Variants in SLC44A4 observed in about 807,000 individuals in gnomAD.
The protein encoded by SLC44A4 is choline transporter-like protein 4.
SLC44A4 carries 74 observed loss-of-function variants against 97.0 expected under a neutral mutation model. That is an observed-to-expected ratio of 0.76 (90% CI 0.63 to 0.93). The LOEUF is 0.93. SLC44A4 is among the 40% of genes least tolerant of loss of function. The probability of loss-of-function intolerance (pLI) is 0.00; values close to 1 mark genes in which losing one functional copy is unlikely to be tolerated. For missense variants in SLC44A4, 799 were observed against 902.9 expected (o/e 0.88, Z 1.48); for synonymous variants, 325 against 363.8 (o/e 0.89, Z 1.21).
At chr6:31,871,252 G>A in intron 9 of SLC44A4, 62 bp downstream of exon 9, 1 of 1,506,982 alleles carries the variant, frequency 6.6e-7, no homozygotes, top group Non-Finnish European at 9.2e-7. Flanking sequence ...ATTGGGCGAG[G>A]GGGTAGAGGA....
chr6:31,864,929 G>A lies in SLC44A4; in HGVS notation c.1832-19C>T. On this transcript the variant is annotated intron_variant, in intron 18 of 20. Transcript: ENST00000229729. Reference sequence around the variant, plus strand: ...AGGACCCCTGTGGAATAATTCTGGGGGTTAGTGCTGCACCTCTGAGGCCAC... The same window carrying A: ...AGGACCCCTGTGGAATAATTCTGGGAGTTAGTGCTGCACCTCTGAGGCCAC... The A allele has an allele frequency of 2.5e-6, 4 of 1,613,778 alleles. No homozygotes were observed. Among genetic ancestry groups the A allele is most frequent in the South Asian group, 2.2e-5 (2 of 91,054 alleles).
rs146712601 is a variant in SLC44A4 at position 31,876,804 on chromosome 6, G to A, written c.89+230C>T. Among the ~76,000 whole-genome samples the A allele has an allele frequency of 9.9e-5, 15 of 152,122 alleles. No homozygotes were observed. In the East Asian group the frequency reaches 2.9e-3, roughly 29 times the overall value. ...AGGGCTCAGCTGGGTGAGTTCTCTC[G>A]CTTGTGAAGCCGGCACTTAAGTCAA... On this transcript the variant is annotated intron_variant, in intron 2 of 20. Coordinates refer to ENST00000229729, the MANE Select transcript of SLC44A4 (RefSeq NM_025257.3). The surrounding 1 kb of genome is among the most constrained non-coding windows in gnomAD (Gnocchi z 4.8).
At position 31,865,581 on chromosome 6, in the gene SLC44A4, G is replaced by A. The variant is rs754945392; in HGVS notation, c.1603C>T (p.Arg535Cys). Residue 535 changes from arginine (R) to cysteine (C), a missense_variant, in exon 16 of 21, where the codon CGC becomes TGC. By Grantham distance (180) the Arg-to-Cys change is radical. Coordinates refer to ENST00000229729, the MANE Select transcript of SLC44A4 (RefSeq NM_025257.3). This position sits in a 1 kb window ranked among gnomAD's most constrained non-coding sequence, Gnocchi z 5.2. Reference sequence around the variant, plus strand: ...CACTTGAAACAGCACATGATGCAGCGGGCTACAGGGTTCTGCACTCCTGGG... The same window carrying A: ...CACTTGAAACAGCACATGATGCAGCAGGCTACAGGGTTCTGCACTCCTGGG... ...KLRGVQNPVA[R>C]CIMCCFKCCL... 16 of 1,600,940 alleles carry A rather than the reference G, an allele frequency of 1.0e-5. No homozygotes were observed. The highest frequency in any genetic ancestry group is 5.4e-5 in the African/African-American group (4 of 74,610).
Position 31,878,972 on chromosome 6 carries a change from T to C in SLC44A4, c.9A>G (p.Gly3=), listed in dbSNP as rs1156730455. The change falls in exon 1 of 21, where the codon GGA becomes GGG. Residue 3 remains glycine (G), a synonymous_variant. Coordinates refer to ENST00000229729, the MANE Select transcript of SLC44A4 (RefSeq NM_025257.3). The surrounding 1 kb of genome is among the most constrained non-coding windows in gnomAD (Gnocchi z 4.0). MG[G]KQRDEDDEAY... ...CCTCGTCATCCTCGTCCCGCTGCTT[T>C]CCCCCCATGGCTCAGTCTCCGGAGT... 8 of 1,613,314 alleles carry C rather than the reference T, an allele frequency of 5.0e-6. No homozygotes were observed. Among genetic ancestry groups the C allele is most frequent in the Non-Finnish European group, 6.8e-6 (8 of 1,179,846 alleles).
chr6:31,864,713 G>T lies in SLC44A4; in HGVS notation c.1950C>A (p.Val650=), dbSNP rs772691860. 5 of 1,614,018 alleles carry T rather than the reference G, an allele frequency of 3.1e-6. No individual in the cohort carries two copies. Among genetic ancestry groups the T allele is most frequent in the Non-Finnish European group, 4.2e-6 (5 of 1,180,032 alleles). ...PIMTSILGAY[V]IASGFFSVFG... ...AAACGCTGAAGAAGCCGCTGGCGATGACATAGGCCCCCAGGATGGAGGTCT... is the reference window on the plus strand; with the variant it reads ...AAACGCTGAAGAAGCCGCTGGCGATTACATAGGCCCCCAGGATGGAGGTCT... Residue 650 remains valine (V), a synonymous_variant, in exon 20 of 21, where the codon GTC becomes GTA. Transcript: ENST00000229729.
chr6:31,876,054 A>C lies in SLC44A4; in HGVS notation c.163+2T>G. The C allele has an allele frequency of 6.2e-7, 1 of 1,613,942 alleles. No homozygotes were observed. The highest frequency in any genetic ancestry group is 1.3e-5 in the African/African-American group (1 of 74,956). ...CCTGGCTCTGAGCAGCTGGAAACTCACCCACAATCCCCACCACGATGTAAC... is the reference window on the plus strand; with the variant it reads ...CCTGGCTCTGAGCAGCTGGAAACTCCCCCACAATCCCCACCACGATGTAAC... On this transcript the variant is annotated splice_donor_variant, in intron 3 of 20. Transcript: ENST00000229729. LOFTEE classifies it high-confidence loss of function. The surrounding 1 kb of genome is among the most constrained non-coding windows in gnomAD (Gnocchi z 4.8).
In SLC44A4 at chr6:31,872,494, C is replaced by A. The variant is rs146761687; in HGVS notation, c.530-933G>T. 6.6e-3 allele frequency among the ~76,000 whole-genome samples: 1,006 copies of A among 152,186 alleles called. 5 individuals carry two copies. Among genetic ancestry groups the A allele is most frequent in the East Asian group, 0.018 (91 of 5,162 alleles). The stretch of plus-strand genomic sequence containing the variant: ...CAAGCAATCCTCCCACCTCAGCCCC[C>A]CAAAGTGTTGGGATTACAGGTGTGA... On this transcript the variant is annotated intron_variant, in intron 7 of 20. Transcript: ENST00000229729.
chr6:31,864,597 C>G, intron 20 of SLC44A4, 55 bp downstream of exon 20: 2 of 1,462,822 alleles, frequency 1.4e-6, no homozygotes, highest in South Asian at 1.2e-5. Context: ...AAAAAAAATG[C>G]TTGAACGGCT....
chr6:31,877,151 T>C lies in SLC44A4; in HGVS notation c.41-69A>G. ...CATATCTTGTCCTGCTGAGTCCTCC[T>C]AGCCCCAGGATCCTACCCAGGCCTC... On this transcript the variant is annotated intron_variant, in intron 1 of 20. Transcript: ENST00000229729. The surrounding 1 kb of genome is among the most constrained non-coding windows in gnomAD (Gnocchi z 6.5). 5 of 1,508,680 alleles carry C rather than the reference T, an allele frequency of 3.3e-6. No homozygotes were observed. Among genetic ancestry groups the C allele is most frequent in the Non-Finnish European group, 3.6e-6 (4 of 1,101,840 alleles). 93.5% of individuals were successfully genotyped at this position (1,508,680 alleles called of 1,614,324 possible).
intron 13 of SLC44A4, 101 bp downstream of exon 13, chr6:31,869,054 T>TGCCCTCTGTG: frequency 1.0e-6 from 1 of 968,448 alleles, no homozygotes; most frequent in East Asian, 2.6e-5. Flanking sequence ...ACAAGTTTCT[T>TGCCCTCTGTG]GCCCTCTGTG....
Position 31,863,345 on chromosome 6 carries a change from C to T in SLC44A4, c.*282G>A. The T allele has an allele frequency of 3.1e-6, 1 of 318,566 alleles. No individual in the cohort carries two copies. Among genetic ancestry groups the T allele is most frequent in the East Asian group, 7.2e-5 (1 of 13,984 alleles). 19.7% of individuals were successfully genotyped at this position (318,566 alleles called of 1,614,324 possible). ...GGTTCAAGCGATTCTCCTGCCTCAGCCTCCCGAGTAGCTGGGATGACAGGT... is the reference window on the plus strand; with the variant it reads ...GGTTCAAGCGATTCTCCTGCCTCAGTCTCCCGAGTAGCTGGGATGACAGGT... On this transcript the variant is annotated 3_prime_UTR_variant, in exon 21 of 21. Transcript: ENST00000229729.
chr6:31,876,610 A>G lies in SLC44A4; in HGVS notation c.89+424T>C, dbSNP rs1763457418. Among the ~76,000 whole-genome samples the G allele has an allele frequency of 6.6e-6, 1 of 152,188 alleles. No individual in the cohort carries two copies. Among genetic ancestry groups the G allele is most frequent in the Non-Finnish European group, 1.5e-5 (1 of 68,032 alleles). The stretch of plus-strand genomic sequence containing the variant: ...AGAAATTAGCCTGGTGTGATGGTGC[A>G]TGCCTGTAGTCCCAGCTACTCGGAA... On this transcript the variant is annotated intron_variant, in intron 2 of 20. Transcript: ENST00000229729. This position sits in a 1 kb window ranked among gnomAD's most constrained non-coding sequence, Gnocchi z 4.8.
Position 31,874,831 on chromosome 6 carries a change from A to T in SLC44A4, c.358T>A (p.Cys120Ser). 6.2e-7 allele frequency: 1 copy of T among 1,612,912 alleles called. No individual in the cohort carries two copies. Among genetic ancestry groups the T allele is most frequent in the Non-Finnish European group, 8.5e-7 (1 of 1,179,472 alleles). Residue 120 changes from cysteine (C) to serine (S), a missense_variant, in exon 6 of 21, where the codon TGC becomes AGC. Coordinates refer to ENST00000229729, the MANE Select transcript of SLC44A4 (RefSeq NM_025257.3). This position sits in a 1 kb window ranked among gnomAD's most constrained non-coding sequence, Gnocchi z 4.8. ...CCCACAGTCCATGGGTCCTCCGGGCAGGAGGACACACACACCTGGGTGCAG... is the reference window on the plus strand; with the variant it reads ...CCCACAGTCCATGGGTCCTCCGGGCTGGAGGACACACACACCTGGGTGCAG... ...CPTPQVCVSS[C>S]PEDPWTVGKN...
Position 31,865,666 on chromosome 6 carries a change from C to A in SLC44A4, c.1582+24G>T, listed in dbSNP as rs776222148. 31 of 1,612,900 alleles carry A rather than the reference C, an allele frequency of 1.9e-5. No individual in the cohort carries two copies. The Admixed American group carries it at 5.2e-4, about 27-fold the overall frequency. On this transcript the variant is annotated intron_variant, in intron 15 of 20. Coordinates refer to ENST00000229729, the MANE Select transcript of SLC44A4 (RefSeq NM_025257.3). The surrounding 1 kb of genome is among the most constrained non-coding windows in gnomAD (Gnocchi z 5.2). ...CCTAATGGCCTTCCCCAGCTCCTGA[C>A]TCCTACTCCGACTCCAGACTCACCT...
Position 31,874,624 on chromosome 6 carries a change from A to G in SLC44A4, c.468+97T>C. On this transcript the variant is annotated intron_variant, in intron 6 of 20. Coordinates refer to ENST00000229729, the MANE Select transcript of SLC44A4 (RefSeq NM_025257.3). The surrounding 1 kb of genome is among the most constrained non-coding windows in gnomAD (Gnocchi z 4.8). ...CTCAGCCTGTCCCACACTCCCCAGG[A>G]GAGCCAACCTGGTGATGATCTACCC... 4 of 1,561,116 alleles carry G rather than the reference A, an allele frequency of 2.6e-6. No homozygotes were observed. The African/African-American group carries it at 5.4e-5, about 21-fold the overall frequency.
In SLC44A4 at chr6:31,869,676, C is replaced by G. The variant is rs183560816; in HGVS notation, c.1038-39G>C. On this transcript the variant is annotated intron_variant, in intron 11 of 20. Coordinates refer to ENST00000229729, the MANE Select transcript of SLC44A4 (RefSeq NM_025257.3). ...AAGCTGTTAACCGGCACCGCCCCAG[C>G]TGTCCATCTTCTCAAGGGGCTGACC... 2.1e-4 allele frequency: 326 copies of G among 1,526,688 alleles called. No individual in the cohort carries two copies. The African/African-American group carries it at 4.2e-3, about 20-fold the overall frequency. The allele number at this position is 1,526,688 out of a possible 1,614,324, so 94.6% of individuals were successfully genotyped here.
In SLC44A4 at chr6:31,864,666, A is replaced by C. The variant is rs143583055; in HGVS notation, c.1997T>G (p.Leu666Arg). 3.7e-6 allele frequency: 6 copies of C among 1,613,876 alleles called. No homozygotes were observed. In the African/African-American group the frequency reaches 8.0e-5, roughly 22 times the overall value. ...FSVFGMCVDT[L>R]FLCFLEDLER... ...GTGTCACTCACGGAAGCAGAGGAAGAGCGTGTCCACACACATGCCGAAAAC... is the reference window on the plus strand; with the variant it reads ...GTGTCACTCACGGAAGCAGAGGAAGCGCGTGTCCACACACATGCCGAAAAC... Residue 666 changes from leucine to arginine, a missense_variant, in exon 20 of 21, where the codon CTC becomes CGC. By Grantham distance (102) the Leu-to-Arg change is moderately radical. This residue lies in a region of SLC44A4 where 379 missense variants were observed against 438.3 expected (regional missense o/e 0.86). Transcript: ENST00000229729.
Position 31,865,675 on chromosome 6 carries a change from C to T in SLC44A4, c.1582+15G>A, listed in dbSNP as rs763532689. ...CTTCCCCAGCTCCTGACTCCTACTC[C>T]GACTCCAGACTCACCTCTGAGCTTG... is the stretch of plus-strand genomic sequence containing the variant. On this transcript the variant is annotated intron_variant, in intron 15 of 20. Transcript: ENST00000229729. The surrounding 1 kb of genome is among the most constrained non-coding windows in gnomAD (Gnocchi z 5.2). The T allele has an allele frequency of 1.1e-5, 17 of 1,612,888 alleles. No homozygotes were observed. The highest frequency in any genetic ancestry group is 2.2e-5 in the East Asian group (1 of 44,882).
chr6:31,864,716 A>G lies in SLC44A4; in HGVS notation c.1947T>C (p.Tyr649=), dbSNP rs1762746752. 8 of 1,614,098 alleles carry G rather than the reference A, an allele frequency of 5.0e-6. No individual in the cohort carries two copies. The highest frequency in any genetic ancestry group is 1.6e-4 in the Middle Eastern group (1 of 6,062). Residue 649 remains tyrosine, a synonymous_variant, in exon 20 of 21, where the codon TAT becomes TAC. Transcript: ENST00000229729. ...CGCTGAAGAAGCCGCTGGCGATGACATAGGCCCCCAGGATGGAGGTCTGGA... is the reference window on the plus strand; with the variant it reads ...CGCTGAAGAAGCCGCTGGCGATGACGTAGGCCCCCAGGATGGAGGTCTGGA... ...LPIMTSILGA[Y]VIASGFFSVF... is the part of the protein sequence containing the mutation.
Sources: allele counts gnomAD v4.1 joint callset (sites outside exome capture counted in the v4.1 genomes callset), GRCh38; gene constraint gnomAD v4.1.1; regional missense constraint gnomAD v4.1.1; non-coding constraint Gnocchi (gnomAD v3.1); transcripts MANE v1.5; gene names NCBI Gene and HGNC (gene_info 2026-07-23, HGNC 2026-07-21).